The following TMEM161B variants were observed in gnomAD, a reference collection of about 807,000 sequenced individuals.
The protein encoded by TMEM161B is transmembrane protein 161B.
Under a neutral mutation model 61.8 loss-of-function variants are expected in TMEM161B, and 34 were observed. The ratio of observed to expected loss-of-function variants is 0.55; its 90% CI spans 0.42 to 0.73. The LOEUF is 0.73. Among genes scored for constraint, TMEM161B ranks in the 30% least tolerant of loss-of-function variants. The pLI, the probability that TMEM161B is intolerant of heterozygous loss-of-function variation, is 0.00. For synonymous variants in TMEM161B, 167 were observed against 192.8 expected (o/e 0.87, Z 1.11); for missense variants, 456 against 558.5 (o/e 0.82, Z 1.85).
At chr5:88,246,670 T>C (rs1753659278) in intron 1 of TMEM161B, among the ~76,000 whole-genome samples, 1 of 151,978 alleles carries the variant, frequency 6.6e-6, no homozygotes, top group Non-Finnish European at 1.5e-5. Flanking sequence ...ACTGTATAAG[T>C]TTATACAAAA....
chr5:88,250,628 T>C (rs1468851369), intron 1 of TMEM161B: 4 of 152,164 alleles, frequency 2.6e-5, no homozygotes. Context: ...GAAGAGGATG[T>C]TGGTAGTGCT....
At chr5:88,197,939 G>A in intron 10 of TMEM161B, 174 bp from the exon 11 acceptor site, 2 of 450,702 alleles carry the variant, frequency 4.4e-6, no homozygotes, top group South Asian at 6.6e-5. Flanking sequence ...CTTTGGAAAG[G>A]CTCAATTTGA....
intron 1 of TMEM161B, among the ~76,000 whole-genome samples, chr5:88,268,483 A>C (rs986228787): frequency 3.3e-5 from 5 of 152,148 alleles, no homozygotes; most frequent in Non-Finnish European, 7.4e-5. Flanking sequence ...TACCCAGTCC[A>C]TACTCCCTGA....
intron 5 of TMEM161B, among the ~76,000 whole-genome samples, chr5:88,213,856 C>T (rs1235155901): frequency 1.3e-5 from 2 of 152,162 alleles, no homozygotes; most frequent in Admixed American, 6.5e-5. Flanking sequence ...TACCTTGGCT[C>T]AGATTCAATA....
downstream of TMEM161B, among the ~76,000 whole-genome samples, chr5:88,192,002 A>G (rs866931065): frequency 0.014 from 1,236 of 86,826 alleles, 97 homozygotes; most frequent in South Asian, 0.016. Flanking sequence ...ATATATATAT[A>G]TATATATATA....
rs1750438293 is a variant in TMEM161B, at chr5:88,228,525, C to T, written c.111G>A (p.Leu37=). Residue 37 remains leucine, a synonymous_variant, in exon 3 of 12, where the codon TTG becomes TTA. Transcript: ENST00000296595. Reference sequence around the variant, plus strand: ...CTTCTGTAGGATGTTGATACCACCTCAAACTAAGCAAAAAAAGAATTCTTT... The same window carrying T: ...CTTCTGTAGGATGTTGATACCACCTTAAACTAAGCAAAAAAAGAATTCTTT... The part of the protein sequence containing the change: ...LARWLLCNGS[L]RWYQHPTEEE... The T allele has an allele frequency of 6.3e-7, 1 of 1,588,020 alleles. No individual in the cohort carries two copies.
At position 88,205,763 on chromosome 5, in the gene TMEM161B, G is replaced by C. The variant is rs567940144; in HGVS notation, c.800+51C>G. The C allele has an allele frequency of 1.3e-5, 20 of 1,587,296 alleles. No homozygotes were observed. The East Asian group carries it at 4.3e-4, about 34-fold the overall frequency. Reference sequence around the variant, plus strand: ...CATTACAATATTATACCTTCATTAAGATGGAAAACATATATTTATCTGCAT... The same window carrying C: ...CATTACAATATTATACCTTCATTAACATGGAAAACATATATTTATCTGCAT... On this transcript the variant is annotated intron_variant, in intron 8 of 11. Coordinates refer to ENST00000296595, the MANE Select transcript of TMEM161B (RefSeq NM_153354.5).
intron 1 of TMEM161B, among the ~76,000 whole-genome samples, chr5:88,246,269 A>C (rs1242568394): frequency 6.6e-6 from 1 of 151,554 alleles, no homozygotes; most frequent in Non-Finnish European, 1.5e-5. Context: ...TAGGTGACTA[A>C]ATATGTGCTA....
chr5:88,206,992 A>G, intron 6 of TMEM161B, 37 bp downstream of exon 6: 8 of 1,598,004 alleles, frequency 5.0e-6, no homozygotes, highest in Non-Finnish European at 6.8e-6. Context: ...CACTAGATAA[A>G]GCAAAATTGA....
rs1745503874 is a variant in TMEM161B, at chr5:88,206,503, T to C, written c.599-4A>G. 3.1e-6 allele frequency: 4 copies of C among 1,278,774 alleles called. No individual in the cohort carries two copies. Among genetic ancestry groups the C allele is most frequent in the Admixed American group, 2.4e-5 (1 of 42,498 alleles). 79.2% of individuals were successfully genotyped at this position (1,278,774 alleles called of 1,614,324 possible). On this transcript the variant is annotated splice_region_variant and splice_polypyrimidine_tract_variant and intron_variant, in intron 6 of 11. Transcript: ENST00000296595. ...CTGTCTGAAAAATTTGTAAACCCTG[T>C]GGGGGAAAAAAAAAAAAACAACAGA...
rs1749515425 is a variant in TMEM161B, at chr5:88,195,710, CCTTT to C, written c.*497_*500del. ...CTGTAATATACAGTAGCTATCTCTT[CCTTT>C]CTGTTGGATTTTATTGTTTCAAGAG... On this transcript the variant is annotated 3_prime_UTR_variant, in exon 12 of 12. Transcript: ENST00000296595. 4.0e-5 allele frequency: 39 copies of C among 986,494 alleles called. 1 individual carries two copies. The South Asian group carries it at 1.6e-3, about 42-fold the overall frequency. The allele number at this position is 986,494 out of a possible 1,614,324, so 61.1% of individuals were successfully genotyped here.
chr5:88,203,807 A>G (rs941474590), intron 8 of TMEM161B, among the ~76,000 whole-genome samples: 1 of 58,250 alleles, frequency 1.7e-5, no homozygotes, highest in South Asian at 5.4e-4. Context: ...ATATATATAT[A>G]TATATATAAT....
intron 5 of TMEM161B, among the ~76,000 whole-genome samples, chr5:88,214,552 T>A (rs1019568221): frequency 1.3e-5 from 2 of 152,230 alleles, no homozygotes; most frequent in Admixed American, 1.3e-4. Context: ...ACCTTTTTAC[T>A]TTTCATTTTT....
At chr5:88,208,063 C>T (rs1745884857) in intron 5 of TMEM161B, among the ~76,000 whole-genome samples, 1 of 152,126 alleles carries the variant, frequency 6.6e-6, no homozygotes, top group Admixed American at 6.6e-5. Context: ...CAAAAAACAA[C>T]TGTGGGCCGG....
chr5:88,249,419 C>G (rs1373273679), intron 1 of TMEM161B, among the ~76,000 whole-genome samples: 1 of 152,128 alleles, frequency 6.6e-6, no homozygotes, highest in African/African-American at 2.4e-5. Context: ...AGGGGATTCT[C>G]AAGGCTAGTC....
downstream of TMEM161B, among the ~76,000 whole-genome samples, chr5:88,190,603 C>T (rs572477827): frequency 6.6e-6 from 1 of 152,192 alleles, no homozygotes; most frequent in African/African-American, 2.4e-5. Flanking sequence ...TGAGTCAGTG[C>T]GGGAATTCCC....
At position 88,205,913 on chromosome 5, in the gene TMEM161B, A is replaced by G; in HGVS notation, c.701T>C (p.Ile234Thr). ...AAAAGCCCCAATGAATGAACAGAAA[A>G]TAGCCAGGAAAAATTTGAAAGTAAG... ...SKLTFKFFLA[I>T]FCSFIGAFLT... Residue 234 changes from isoleucine (I) to threonine (T), a missense_variant, in exon 8 of 12, where the codon ATT (isoleucine) becomes ACT (threonine). This residue lies in a region of TMEM161B where 367 missense variants were observed against 427.3 expected (regional missense o/e 0.86). Transcript: ENST00000296595. The G allele has an allele frequency of 3.1e-6, 5 of 1,612,038 alleles. No homozygotes were observed. The highest frequency in any genetic ancestry group is 4.2e-6 in the Non-Finnish European group (5 of 1,179,060).
intron 1 of TMEM161B, among the ~76,000 whole-genome samples, chr5:88,260,651 C>T (rs1755569900): frequency 6.6e-6 from 1 of 152,088 alleles, no homozygotes; most frequent in Non-Finnish European, 1.5e-5. Context: ...AGAGGTCTCA[C>T]TATGTTGTCC....
Position 88,199,006 on chromosome 5 carries a change from C to T in TMEM161B, c.1059G>A (p.Gly353=). ...TCTGTAGCTCAACCGTGCTTATTCG[C>T]CCCGCTTCTTTCTTCATCTGATCCA... ...KCVDQMKKEA[G]RISTVELQKM... Residue 353 remains glycine, a synonymous_variant, in exon 10 of 12, where the codon GGG becomes GGA. Transcript: ENST00000296595. 1 of 1,612,728 alleles carries T rather than the reference C, an allele frequency of 6.2e-7. No individual in the cohort carries two copies. Among genetic ancestry groups the T allele is most frequent in the Non-Finnish European group, 8.5e-7 (1 of 1,179,332 alleles).
Sources: gnomAD v4.1 joint callset for allele counts (sites outside exome capture counted in the v4.1 genomes callset) on GRCh38, gnomAD v4.1.1 for gene constraint, gnomAD v4.1.1 regional missense constraint, MANE v1.5 for transcripts, NCBI Gene and HGNC (gene_info 2026-07-23, HGNC 2026-07-21) for gene names.